Variants in MRTFA observed in about 807,000 individuals in gnomAD.
The protein encoded by MRTFA is myocardin related transcription factor A.
MRTFA carries 20 observed loss-of-function variants against 83.5 expected under a neutral mutation model. The observed-to-expected ratio is 0.24, with a 90% CI of 0.17 to 0.35. MRTFA has a LOEUF of 0.35. Ranked by LOEUF, MRTFA falls within the 10% of genes least tolerant of loss-of-function variation. MRTFA has a pLI of 1.00. For synonymous variants in MRTFA, 659 were observed against 541.2 expected, an observed-to-expected ratio of 1.22 and a Z score of -3.02; for missense variants, 1,200 against 1,224.7, an observed-to-expected ratio of 0.98 and a Z score of 0.30.
chr22:40,451,415 C>G (rs1473381101), intron 4 of MRTFA, among the ~76,000 whole-genome samples: 1 of 152,174 alleles, frequency 6.6e-6, no homozygotes, highest in Non-Finnish European at 1.5e-5. Context: ...TCTTCATACA[C>G]ATCCTGTTTT....
At chr22:40,495,981 G>A (rs773145809) in intron 3 of MRTFA, among the ~76,000 whole-genome samples, 20 of 151,288 alleles carry the variant, frequency 1.3e-4, no homozygotes, top group Admixed American at 2.6e-4. Flanking sequence ...CTGGAGAAGC[G>A]CTTGAACCTG....
intron 3 of MRTFA, among the ~76,000 whole-genome samples, chr22:40,512,062 G>A (rs545072942): frequency 8.2e-4 from 125 of 152,272 alleles, no homozygotes; most frequent in Middle Eastern, 3.4e-3. Flanking sequence ...ACTATATAGG[G>A]TGACTAGTAG....
At chr22:40,504,741 T>C (rs1569301552) in intron 3 of MRTFA, among the ~76,000 whole-genome samples, 2 of 152,238 alleles carry the variant, frequency 1.3e-5, no homozygotes, top group Non-Finnish European at 2.9e-5. Flanking sequence ...AACCTCAAGA[T>C]GTGTGACAAA....
chr22:40,617,627 T>C (rs1478982829), intron 1 of MRTFA, among the ~76,000 whole-genome samples: 2 of 150,260 alleles, frequency 1.3e-5, no homozygotes, highest in African/African-American at 2.5e-5. Flanking sequence ...CTCGGGAGGC[T>C]GAGGCAGGAG....
At chr22:40,463,617 A>G (rs2053756005) in intron 3 of MRTFA, among the ~76,000 whole-genome samples, 1 of 152,130 alleles carries the variant, frequency 6.6e-6, no homozygotes, top group Non-Finnish European at 1.5e-5. Flanking sequence ...CAAACTCAAA[A>G]TATCCTAACG....
At chr22:40,512,560 C>A (rs1467605355) in intron 3 of MRTFA, among the ~76,000 whole-genome samples, 1 of 152,196 alleles carries the variant, frequency 6.6e-6, no homozygotes, top group East Asian at 1.9e-4. Context: ...ATGAGAACCA[C>A]TGTGGGAATG....
chr22:40,459,820 C>CATATATAT (rs1193249162), intron 4 of MRTFA, among the ~76,000 whole-genome samples: 1 of 82,938 alleles, frequency 1.2e-5, no homozygotes, highest in African/African-American at 5.6e-5. Flanking sequence ...CACACACACA[C>CATATATAT]ACATATATAC....
At chr22:40,444,539 T>C (rs1392816600) in intron 4 of MRTFA, among the ~76,000 whole-genome samples, 1 of 151,886 alleles carries the variant, frequency 6.6e-6, no homozygotes, top group Non-Finnish European at 1.5e-5. Flanking sequence ...AAAGAAAAAA[T>C]CTTTACAGTC....
intron 1 of MRTFA, among the ~76,000 whole-genome samples, chr22:40,618,061 A>G (rs918855031): frequency 6.6e-6 from 1 of 150,436 alleles, no homozygotes; most frequent in Non-Finnish European, 1.5e-5. Flanking sequence ...CCAGGGATTG[A>G]GGAGTAAGGT....
intron 3 of MRTFA, among the ~76,000 whole-genome samples, chr22:40,483,056 G>A (rs541684961): frequency 1.1e-4 from 17 of 151,834 alleles, no homozygotes; most frequent in South Asian, 2.1e-4. Context: ...GAGTGAGCCC[G>A]TCTCAAAAAA....
chr22:40,601,213 G>A (rs2056255545), intron 1 of MRTFA, among the ~76,000 whole-genome samples: 1 of 151,960 alleles, frequency 6.6e-6, no homozygotes, highest in Admixed American at 6.6e-5. Context: ...TTAAGTTTTT[G>A]AACTTTTTTT....
At chr22:40,444,053 C>G (rs1437094691) in intron 4 of MRTFA, among the ~76,000 whole-genome samples, 1 of 152,218 alleles carries the variant, frequency 6.6e-6, no homozygotes, top group Non-Finnish European at 1.5e-5. Context: ...AATGAGGAAC[C>G]TGAACTTCTA....
intron 9 of MRTFA, among the ~76,000 whole-genome samples, chr22:40,422,812 C>T (rs1386641180): frequency 6.6e-6 from 1 of 152,212 alleles, no homozygotes; most frequent in Non-Finnish European, 1.5e-5. Flanking sequence ...TCTCCTGAGG[C>T]TCAGATGGCC....
chr22:40,443,402 C>T (rs2053317140), intron 4 of MRTFA, among the ~76,000 whole-genome samples: 1 of 152,052 alleles, frequency 6.6e-6, no homozygotes, highest in Non-Finnish European at 1.5e-5. Flanking sequence ...AAAGTAGATA[C>T]TGTAAGGTGG....
intron 3 of MRTFA, among the ~76,000 whole-genome samples, chr22:40,472,349 C>A (rs146697269): frequency 2.8e-4 from 42 of 152,274 alleles, no homozygotes; most frequent in African/African-American, 1.0e-3. Flanking sequence ...TTCGTGATGC[C>A]AATGATAGAT....
At chr22:40,538,563 A>AT (rs1318240817) in intron 3 of MRTFA, among the ~76,000 whole-genome samples, 1 of 78,980 alleles carries the variant, frequency 1.3e-5, no homozygotes, top group Non-Finnish European at 2.7e-5. Flanking sequence ...AGAATTATCA[A>AT]TAAAAAAATA....
intron 3 of MRTFA, chr22:40,526,299 C>T (rs1415285959): frequency 6.6e-6 from 1 of 152,224 alleles, no homozygotes; most frequent in Non-Finnish European, 1.5e-5. Flanking sequence ...TCCCAAAGCG[C>T]TGGGATTATA....
intron 3 of MRTFA, among the ~76,000 whole-genome samples, chr22:40,493,730 G>A (rs528382711): frequency 1.1e-4 from 16 of 152,306 alleles, no homozygotes; most frequent in Admixed American, 5.2e-4. Flanking sequence ...GATGGAAAAC[G>A]ATAATGCTAT....
rs35912231 is a variant in MRTFA at position 40,527,131 on chromosome 22, T to TACAC, written c.241+24971_241+24974dup. Reference sequence around the variant, plus strand: ...ACAGAGCAAGACCTCGCCTCAAAGATACACACACACACACACACACACACA... The same window carrying TACAC: ...ACAGAGCAAGACCTCGCCTCAAAGATACACACACACACACACACACACACACACA... On this transcript the variant is annotated intron_variant, in intron 3 of 14. Transcript: ENST00000355630. 4.0e-3 allele frequency among the ~76,000 whole-genome samples: 590 copies of TACAC among 146,466 alleles called. 3 individuals are homozygous for TACAC. The highest frequency in any genetic ancestry group is 6.8e-3 in the South Asian group (31 of 4,586).
Sources: gnomAD v4.1 joint callset for allele counts (sites outside exome capture counted in the v4.1 genomes callset) on GRCh38, gnomAD v4.1.1 for gene constraint, MANE v1.5 for transcripts, NCBI Gene and HGNC (gene_info 2026-07-23, HGNC 2026-07-21) for gene names.